NPAS3: variants seen among roughly 807,000 people sequenced by gnomAD.
NPAS3 encodes neuronal PAS domain protein 3, also known as neuronal PAS domain-containing protein 3.
A neutral mutation model predicts 73.1 loss-of-function variants in NPAS3; 14 were observed. That is an observed-to-expected ratio of 0.19 (90% CI 0.13 to 0.30). NPAS3 has a LOEUF of 0.30. NPAS3 is among the 10% of genes least tolerant of loss of function. The pLI is 1.00. For missense variants in NPAS3, 1,096 were observed against 1,250.0 expected (o/e 0.88, Z 1.86); for synonymous variants, 620 against 541.5 (o/e 1.14, Z -2.01).
chr14:33,540,766 A>G (rs2054474634), intron 4 of NPAS3, among the ~76,000 whole-genome samples: 1 of 152,202 alleles, frequency 6.6e-6, no homozygotes, highest in Non-Finnish European at 1.5e-5. Flanking sequence ...GGGAACGAGA[A>G]AATAAAATGT....
rs78598341 is a variant in NPAS3 at position 33,375,767 on chromosome 14, T to C, written c.468+8499T>C. ...AACATTAACTCACAATTTCTATTAG[T>C]AGATTGCCTAGGTTTAAACTAAAAT... On this transcript the variant is annotated intron_variant, in intron 4 of 11. Coordinates refer to ENST00000356141, the Ensembl canonical transcript of NPAS3. Among the ~76,000 whole-genome samples the C allele has an allele frequency of 6.5e-3, 996 of 152,312 alleles. 12 individuals are homozygous for C. Among genetic ancestry groups the C allele is most frequent in the African/African-American group, 0.023 (940 of 41,580 alleles).
At chr14:33,303,265 A>G (rs927965644) in intron 3 of NPAS3, among the ~76,000 whole-genome samples, 1 of 152,164 alleles carries the variant, frequency 6.6e-6, no homozygotes, top group African/African-American at 2.4e-5. Flanking sequence ...GGTAATTGTT[A>G]GGATAATTAT....
At chr14:32,997,296 A>G (rs2038617707) in intron 1 of NPAS3, among the ~76,000 whole-genome samples, 1 of 152,198 alleles carries the variant, frequency 6.6e-6, no homozygotes, top group South Asian at 2.1e-4. Flanking sequence ...GCCTTGTCTC[A>G]GATGAGACTT....
At chr14:33,640,928 G>A (rs1440012385) in intron 5 of NPAS3, among the ~76,000 whole-genome samples, 3 of 152,152 alleles carry the variant, frequency 2.0e-5, no homozygotes, top group Non-Finnish European at 4.4e-5. Flanking sequence ...TCCAAATTTT[G>A]TTAATAAATA....
chr14:33,394,652 C>A (rs1038036384), intron 4 of NPAS3, among the ~76,000 whole-genome samples: 1 of 152,052 alleles, frequency 6.6e-6, no homozygotes, highest in African/African-American at 2.4e-5. Context: ...TATCATTTTT[C>A]CATATTTATC....
At chr14:33,551,201 A>G (rs1427954201) in intron 4 of NPAS3, among the ~76,000 whole-genome samples, 1 of 152,210 alleles carries the variant, frequency 6.6e-6, no homozygotes, top group Non-Finnish European at 1.5e-5. Context: ...GATACAAATA[A>G]AATGTTCCTA....
intron 4 of NPAS3, among the ~76,000 whole-genome samples, chr14:33,387,890 G>A (rs1250443740): frequency 2.6e-5 from 4 of 152,164 alleles, no homozygotes; most frequent in African/African-American, 9.7e-5. Context: ...TCTTCAGTCA[G>A]GCTAAGGAAG....
chr14:33,645,685 T>C (rs2058809956), intron 5 of NPAS3, among the ~76,000 whole-genome samples: 1 of 152,218 alleles, frequency 6.6e-6, no homozygotes, highest in Non-Finnish European at 1.5e-5. Flanking sequence ...AGCTGCCACT[T>C]GACCGAGTAA....
chr14:32,961,084 C>T (rs1032017550), intron 1 of NPAS3, among the ~76,000 whole-genome samples: 5 of 152,072 alleles, frequency 3.3e-5, no homozygotes, highest in African/African-American at 1.2e-4. Flanking sequence ...GATATTTGAC[C>T]AGTAATTTGA....
At chr14:33,706,105 T>C (rs955493711) in intron 6 of NPAS3, among the ~76,000 whole-genome samples, 1 of 152,236 alleles carries the variant, frequency 6.6e-6, no homozygotes. Context: ...ATTAGCACCA[T>C]GGTTGGGAGA....
At chr14:33,086,972 G>A (rs1051931087) in intron 2 of NPAS3, among the ~76,000 whole-genome samples, 1 of 151,952 alleles carries the variant, frequency 6.6e-6, no homozygotes, top group Non-Finnish European at 1.5e-5. Flanking sequence ...TCAGACTGAA[G>A]TTAGATCTAG....
intron 1 of NPAS3, among the ~76,000 whole-genome samples, chr14:32,947,896 G>A (rs964465699): frequency 2.9e-4 from 44 of 151,932 alleles, no homozygotes; most frequent in African/African-American, 9.2e-4. Context: ...TGTCACCACC[G>A]TATCTGCATT....
intron 4 of NPAS3, among the ~76,000 whole-genome samples, chr14:33,474,370 C>T (rs2050922594): frequency 6.6e-6 from 1 of 152,046 alleles, no homozygotes; most frequent in Admixed American, 6.6e-5. Context: ...AAGATAACTA[C>T]AGTATGTTTA....
intron 2 of NPAS3, among the ~76,000 whole-genome samples, chr14:33,152,050 T>A (rs546344977): frequency 6.6e-6 from 1 of 152,032 alleles, no homozygotes; most frequent in African/African-American, 2.4e-5. Flanking sequence ...CTGAGGACAT[T>A]TGTCAATATC....
chr14:33,297,187 A>C (rs73256813), intron 3 of NPAS3, among the ~76,000 whole-genome samples: 4,308 of 151,346 alleles, frequency 0.028, 161 homozygotes, highest in African/African-American at 0.091. Context: ...TAGCTCTGCC[A>C]TTTACTGGGA....
At chr14:33,555,441 G>A (rs1287516849) in intron 4 of NPAS3, among the ~76,000 whole-genome samples, 3 of 151,852 alleles carry the variant, frequency 2.0e-5, no homozygotes, top group African/African-American at 7.3e-5. Flanking sequence ...AAAACAGTGG[G>A]CAGTTGAAAA....
At chr14:33,393,706 C>T (rs2047103726) in intron 4 of NPAS3, among the ~76,000 whole-genome samples, 1 of 151,978 alleles carries the variant, frequency 6.6e-6, no homozygotes, top group Non-Finnish European at 1.5e-5. Context: ...TGTCAGGGAC[C>T]CCGCGGCTGT....
chr14:33,776,521 TAAAAAAA>T (rs552348267), intron 8 of NPAS3, among the ~76,000 whole-genome samples: 21 of 32,046 alleles, frequency 6.6e-4, no homozygotes, highest in African/African-American at 2.1e-3. Flanking sequence ...TTCTTCCTCT[TAAAAAAA>T]AAAAAAAAAA....
At chr14:33,747,639 G>T (rs17101819) in intron 7 of NPAS3, among the ~76,000 whole-genome samples, 9,304 of 152,266 alleles carry the variant, frequency 0.061, 939 homozygotes, top group African/African-American at 0.21. Flanking sequence ...GCAGGTGTGT[G>T]TCTTTTATTT....
Sources: gnomAD v4.1 joint callset for allele counts (sites outside exome capture counted in the v4.1 genomes callset) on GRCh38, gnomAD v4.1.1 for gene constraint, MANE v1.5 for transcripts, NCBI Gene and HGNC (gene_info 2026-07-23, HGNC 2026-07-21) for gene names.